Variants in PRKRIP1 observed in about 807,000 individuals in gnomAD.
PRKRIP1 encodes PRKR interacting protein 1.
Under a neutral mutation model 29.3 loss-of-function variants are expected in PRKRIP1, and 29 were observed. The observed-to-expected ratio is 0.99, with a 90% CI of 0.74 to 1.35. The LOEUF is 1.35. Ranked by LOEUF, PRKRIP1 falls within the 40% of genes most tolerant of loss-of-function variation. The pLI, the probability that PRKRIP1 is intolerant of heterozygous loss-of-function variation, is 0.00. For missense variants in PRKRIP1, 247 were observed against 236.8 expected (o/e 1.04, Z -0.28); for synonymous variants, 90 against 85.1 (o/e 1.06, Z -0.32).
intron 5 of PRKRIP1, among the ~76,000 whole-genome samples, chr7:102,419,192 T>A (rs1554573468): frequency 1.3e-5 from 2 of 152,088 alleles, no homozygotes. Context: ...GGTGGGCAGA[T>A]CACTTGCGGT....
intron 1 of PRKRIP1, among the ~76,000 whole-genome samples, chr7:102,397,152 A>T (rs994513464): frequency 3.9e-5 from 6 of 152,132 alleles, no homozygotes; most frequent in African/African-American, 1.2e-4. Context: ...CATAGGATGA[A>T]AAAAGCCACG....
intron 5 of PRKRIP1, chr7:102,423,120 C>CTTTTTTTT: frequency 3.7e-5 from 14 of 382,318 alleles, no homozygotes; most frequent in Admixed American, 8.5e-5. Flanking sequence ...ACCCTATGCT[C>CTTTTTTTT]TTTTTTTTTT....
chr7:102,412,882 T>A (rs1315415028), intron 5 of PRKRIP1, among the ~76,000 whole-genome samples: 1 of 152,338 alleles, frequency 6.6e-6, no homozygotes, highest in South Asian at 2.1e-4. Flanking sequence ...GTGGGACTTG[T>A]GTCTGAAATG....
Position 102,425,631 on chromosome 7 carries a change from G to T in PRKRIP1, c.*520G>T. ...CACTCCAGTGGGAAGTGGGGACCACGCCATAGAGGGTCTGCTCCCACTGCA... is the reference window on the plus strand; with the variant it reads ...CACTCCAGTGGGAAGTGGGGACCACTCCATAGAGGGTCTGCTCCCACTGCA... On this transcript the variant is annotated 3_prime_UTR_variant, in exon 6 of 6. Coordinates refer to ENST00000397912, the MANE Select transcript of PRKRIP1 (RefSeq NM_024653.4). The T allele has an allele frequency of 4.3e-6, 1 of 231,780 alleles. No individual in the cohort carries two copies. Among genetic ancestry groups the T allele is most frequent in the African/African-American group, 2.4e-5 (1 of 41,976 alleles). 14.4% of individuals were successfully genotyped at this position (231,780 alleles called of 1,614,324 possible). A position where few individuals can be genotyped will look rare whatever the true frequency, so the allele number is the denominator to read the frequency against.
chr7:102,404,795 T>C, intron 4 of PRKRIP1, 112 bp downstream of exon 4: 1 of 698,908 alleles, frequency 1.4e-6, no homozygotes, highest in Non-Finnish European at 2.4e-6. Context: ...GGGTCATGAA[T>C]GTAGAGCAAT....
intron 5 of PRKRIP1, among the ~76,000 whole-genome samples, chr7:102,417,596 A>T (rs1796588549): frequency 6.8e-6 from 1 of 147,614 alleles, no homozygotes; most frequent in Non-Finnish European, 1.5e-5. Context: ...TGTTCCCTTG[A>T]CAAAGTCCCA....
intron 3 of PRKRIP1, among the ~76,000 whole-genome samples, chr7:102,400,889 G>A (rs1554571103): frequency 6.6e-6 from 1 of 152,106 alleles, no homozygotes; most frequent in Non-Finnish European, 1.5e-5. Flanking sequence ...ACCTGCCTCG[G>A]CCTCCCAAAG....
At chr7:102,422,167 TATTATTATTATG>T (rs782750419) in intron 5 of PRKRIP1, among the ~76,000 whole-genome samples, 7,008 of 141,064 alleles carry the variant, frequency 0.05, 236 homozygotes, top group Non-Finnish European at 0.069. Flanking sequence ...TTATTATTAT[TATTATTATTATG>T]ATTATTATTA....
intron 5 of PRKRIP1, among the ~76,000 whole-genome samples, chr7:102,409,374 G>A (rs1019881946): frequency 3.9e-5 from 6 of 152,150 alleles, no homozygotes; most frequent in South Asian, 2.1e-4. Flanking sequence ...CCCCTCCACC[G>A]CAACAGTAGA....
chr7:102,396,489 T>TGCG lies in PRKRIP1; in HGVS notation c.83_85dup (p.Ala28dup), dbSNP rs782453735. The TGCG allele has an allele frequency of 6.2e-7, 1 of 1,608,276 alleles. No individual in the cohort carries two copies. Among genetic ancestry groups the TGCG allele is most frequent in the East Asian group, 2.3e-5 (1 of 44,196 alleles). On this transcript the variant is annotated inframe_insertion, in exon 1 of 6. Transcript: ENST00000397912. ...CGCAGACGCTCGTCATCCCCAAGAA[T>TGCG]GCGGCGGAGGAGCAGAAGCTCAAGC...
chr7:102,406,398 G>T (rs1796223791), intron 4 of PRKRIP1, among the ~76,000 whole-genome samples: 1 of 152,186 alleles, frequency 6.6e-6, no homozygotes. Context: ...ATCTGATCGA[G>T]AAATGGTTCA....
chr7:102,405,259 A>T (rs1554571695), intron 4 of PRKRIP1, among the ~76,000 whole-genome samples: 1 of 152,038 alleles, frequency 6.6e-6, no homozygotes, highest in African/African-American at 2.4e-5. Context: ...CTGCAACCAA[A>T]CTTCCCATTT....
intron 5 of PRKRIP1, among the ~76,000 whole-genome samples, chr7:102,420,542 G>A (rs1306186917): frequency 6.6e-6 from 1 of 152,150 alleles, no homozygotes; most frequent in African/African-American, 2.4e-5. Flanking sequence ...TTATGTATTT[G>A]TTATGTTGAA....
intron 3 of PRKRIP1, among the ~76,000 whole-genome samples, chr7:102,403,129 C>T (rs112860423): frequency 0.13 from 19,801 of 152,216 alleles, 1,690 homozygotes; most frequent in South Asian, 0.27. Context: ...CCCACCTCAG[C>T]TTCCCAGTGT....
Position 102,426,633 on chromosome 7 carries a change from C to G in PRKRIP1, c.*1522C>G. On this transcript the variant is annotated 3_prime_UTR_variant, in exon 6 of 6. Coordinates refer to ENST00000397912, the MANE Select transcript of PRKRIP1 (RefSeq NM_024653.4). Reference sequence around the variant, plus strand: ...TTCCCAGGAAGCGGACACGGAGAGTCAGCCCTAATAAATGAGCACATGCCC... The same window carrying G: ...TTCCCAGGAAGCGGACACGGAGAGTGAGCCCTAATAAATGAGCACATGCCC... 6.5e-6 allele frequency: 1 copy of G among 152,846 alleles called. No individual in the cohort carries two copies. Among genetic ancestry groups the G allele is most frequent in the South Asian group, 2.1e-4 (1 of 4,828 alleles). 9.5% of individuals were successfully genotyped at this position (152,846 alleles called of 1,614,324 possible). A position where few individuals can be genotyped will look rare whatever the true frequency, so the allele number is the denominator to read the frequency against.
Position 102,399,532 on chromosome 7 carries a change from A to G in PRKRIP1, c.206-16A>G. Reference sequence around the variant, plus strand: ...AACTGAATTTCATCTAGAACTGTGGACTGTTCTGGCTACAGGTTCAAGTGC... The same window carrying G: ...AACTGAATTTCATCTAGAACTGTGGGCTGTTCTGGCTACAGGTTCAAGTGC... On this transcript the variant is annotated splice_polypyrimidine_tract_variant and intron_variant, in intron 2 of 5. Coordinates refer to ENST00000397912, the MANE Select transcript of PRKRIP1 (RefSeq NM_024653.4). 6.2e-7 allele frequency: 1 copy of G among 1,605,704 alleles called. No homozygotes were observed. Among genetic ancestry groups the G allele is most frequent in the African/African-American group, 1.3e-5 (1 of 74,880 alleles).
intron 2 of PRKRIP1, among the ~76,000 whole-genome samples, chr7:102,398,699 G>T (rs899762123): frequency 6.6e-6 from 1 of 152,126 alleles, no homozygotes; most frequent in Non-Finnish European, 1.5e-5. Flanking sequence ...GAGATGGTGC[G>T]GGTTTAGTTC....
At chr7:102,419,855 G>T (rs1554573550) in intron 5 of PRKRIP1, among the ~76,000 whole-genome samples, 2 of 25,100 alleles carry the variant, frequency 8.0e-5, no homozygotes, top group Non-Finnish European at 3.2e-4. Flanking sequence ...TTGTGTGTGT[G>T]TGTGTGTGTG....
rs1393993981 is a variant in PRKRIP1 at position 102,426,058 on chromosome 7, C to T, written c.*947C>T. On this transcript the variant is annotated 3_prime_UTR_variant, in exon 6 of 6. Coordinates refer to ENST00000397912, the MANE Select transcript of PRKRIP1 (RefSeq NM_024653.4). Reference sequence around the variant, plus strand: ...GCGGAACTGCTGTGTCCTCATGTGGCGCAGCCTCAAACTGGCATCCAGGCA... The same window carrying T: ...GCGGAACTGCTGTGTCCTCATGTGGTGCAGCCTCAAACTGGCATCCAGGCA... 1 of 152,936 alleles carries T rather than the reference C, an allele frequency of 6.5e-6. No individual in the cohort carries two copies. The highest frequency in any genetic ancestry group is 1.9e-4 in the East Asian group (1 of 5,206). The allele number at this position is 152,936 out of a possible 1,614,324, so 9.5% of individuals were successfully genotyped here. A position where few individuals can be genotyped will look rare whatever the true frequency, so the allele number is the denominator to read the frequency against.
Sources: gnomAD v4.1 joint callset for allele counts (sites outside exome capture counted in the v4.1 genomes callset) on GRCh38, gnomAD v4.1.1 for gene constraint, MANE v1.5 for transcripts, NCBI Gene and HGNC (gene_info 2026-07-23, HGNC 2026-07-21) for gene names.